DPP10: variants seen among roughly 807,000 people sequenced by gnomAD.
The protein encoded by DPP10 is inactive dipeptidyl peptidase 10.
DPP10 carries 33 observed loss-of-function variants against 120.9 expected under a neutral mutation model. The ratio of observed to expected loss-of-function variants is 0.27; its 90% confidence interval spans 0.21 to 0.37. DPP10 has a LOEUF of 0.37. DPP10 is among the 10% of genes least tolerant of loss of function. The pLI, the probability that DPP10 is intolerant of heterozygous loss-of-function variation, is 1.00. For synonymous variants in DPP10, 337 were observed against 326.1 expected (o/e 1.03, Z -0.36); for missense variants, 816 against 942.8 (o/e 0.87, Z 1.76).
At chr2:114,742,812 A>G (rs1015994748) in intron 1 of DPP10, among the ~76,000 whole-genome samples, 1 of 152,216 alleles carries the variant, frequency 6.6e-6, no homozygotes, top group African/African-American at 2.4e-5. Context: ...TGGCTTCTTC[A>G]GGCAAATGCA....
intron 1 of DPP10, among the ~76,000 whole-genome samples, chr2:114,968,171 C>G (rs1350642658): frequency 6.6e-6 from 1 of 152,142 alleles, no homozygotes. Context: ...CATATTTACA[C>G]CTGTGCTCTC....
chr2:114,481,213 G>C (rs917998056), intron 1 of DPP10, among the ~76,000 whole-genome samples: 5 of 151,930 alleles, frequency 3.3e-5, no homozygotes, highest in Non-Finnish European at 5.9e-5. Flanking sequence ...TATACATAGA[G>C]CTCTCTAACC....
intron 1 of DPP10, among the ~76,000 whole-genome samples, chr2:114,648,388 G>A (rs1486168668): frequency 6.6e-6 from 1 of 152,018 alleles, no homozygotes; most frequent in African/African-American, 2.4e-5. Flanking sequence ...TTCTTTTTTG[G>A]AGCCTTAGCC....
rs141273648 is a variant in DPP10, at chr2:114,971,312, G to A, written c.61-337927G>A. On this transcript the variant is annotated intron_variant, in intron 1 of 25. Transcript: ENST00000410059. ...ATTTAACTTTCTATTTTTTTAAATC[G>A]ATTTACCTCTTGTCTTGGCAAATAG... Among the ~76,000 whole-genome samples, 348 of 151,990 alleles carry A rather than the reference G, an allele frequency of 2.3e-3. 4 individuals carry two copies. Among genetic ancestry groups the A allele is most frequent in the African/African-American group, 7.7e-3 (318 of 41,458 alleles).
chr2:114,556,230 G>GATATAT (rs1237590391), intron 1 of DPP10, among the ~76,000 whole-genome samples: 3 of 27,890 alleles, frequency 1.1e-4, no homozygotes, highest in East Asian at 1.1e-3. Context: ...ATACATAGAT[G>GATATAT]ATACATATAT....
intron 1 of DPP10, among the ~76,000 whole-genome samples, chr2:114,744,773 T>A (rs938690332): frequency 6.6e-6 from 1 of 151,944 alleles, no homozygotes; most frequent in Admixed American, 6.6e-5. Context: ...CCTAATTTGT[T>A]TTTTTTTAGA....
At chr2:114,726,626 T>C (rs150169600) in intron 1 of DPP10, among the ~76,000 whole-genome samples, 1 of 152,346 alleles carries the variant, frequency 6.6e-6, no homozygotes, top group Admixed American at 6.5e-5. Context: ...AAATGATCTT[T>C]TATTTCAATT....
intron 3 of DPP10, among the ~76,000 whole-genome samples, chr2:115,447,779 T>C (rs1224864249): frequency 6.6e-6 from 1 of 152,206 alleles, no homozygotes; most frequent in Non-Finnish European, 1.5e-5. Flanking sequence ...TAAACCTCTT[T>C]CCTTTGTAAA....
intron 1 of DPP10, among the ~76,000 whole-genome samples, chr2:114,763,983 CTCT>C (rs1680497612): frequency 6.6e-6 from 1 of 152,154 alleles, no homozygotes. Flanking sequence ...ACAGACCTGG[CTCT>C]TTTGCAGAAA....
In DPP10 at chr2:115,800,233, T is replaced by C. The variant is rs371707919; in HGVS notation, c.1700+8877T>C. Among the ~76,000 whole-genome samples the C allele has an allele frequency of 9.6e-3, 1,440 of 149,824 alleles. 27 individuals carry two copies. Among genetic ancestry groups the C allele is most frequent in the African/African-American group, 0.033 (1,309 of 39,354 alleles). Reference sequence around the variant, plus strand: ...TGTCTTTTGGCTGCATAAATGTCTTTTTTTGAGAAGTGTCTGTTCATGTCC... The same window carrying C: ...TGTCTTTTGGCTGCATAAATGTCTTCTTTTGAGAAGTGTCTGTTCATGTCC... On this transcript the variant is annotated intron_variant, in intron 19 of 25. Coordinates refer to ENST00000410059, the MANE Select transcript of DPP10 (RefSeq NM_020868.6).
intron 2 of DPP10, among the ~76,000 whole-genome samples, chr2:115,319,337 T>C (rs1051588937): frequency 6.6e-6 from 1 of 152,186 alleles, no homozygotes; most frequent in African/African-American, 2.4e-5. Flanking sequence ...TTATAAGAGA[T>C]ATTGATCTGT....
At chr2:115,491,083 A>ACTCCAGC (rs1280996324) in intron 3 of DPP10, among the ~76,000 whole-genome samples, 1 of 152,098 alleles carries the variant, frequency 6.6e-6, no homozygotes, top group Non-Finnish European at 1.5e-5. Context: ...CCACCACTGT[A>ACTCCAGC]CTCCAGCCTC....
Position 115,318,469 on chromosome 2 carries a change from G to A in DPP10, c.175+9116G>A, listed in dbSNP as rs536055847. Among the ~76,000 whole-genome samples, 3 of 152,026 alleles carry A rather than the reference G, an allele frequency of 2.0e-5. No individual in the cohort carries two copies. The South Asian group carries it at 6.2e-4, about 31-fold the overall frequency. On this transcript the variant is annotated intron_variant, in intron 2 of 25. Transcript: ENST00000410059. ...TTTATTTCTGCAAGAAAGCCAGTTG[G>A]GATTTTAATAGTAATTGCATTGAGT...
chr2:114,907,849 A>G (rs1164687942), intron 1 of DPP10, among the ~76,000 whole-genome samples: 1 of 152,020 alleles, frequency 6.6e-6, no homozygotes, highest in Non-Finnish European at 1.5e-5. Flanking sequence ...TCAAATTCTT[A>G]TATTTCCTTG....
chr2:114,597,575 T>C (rs1023298580), intron 1 of DPP10, among the ~76,000 whole-genome samples: 1 of 152,150 alleles, frequency 6.6e-6, no homozygotes, highest in Non-Finnish European at 1.5e-5. Flanking sequence ...ATGGTAAAGA[T>C]CTTCCATCTG....
chr2:115,422,566 C>A (rs2070076132), intron 3 of DPP10, among the ~76,000 whole-genome samples: 1 of 152,156 alleles, frequency 6.6e-6, no homozygotes, highest in Admixed American at 6.5e-5. Context: ...TTGCCCATGA[C>A]TTTCATTCTG....
At chr2:115,800,812 G>GTACCATGC (rs1685135154) in intron 19 of DPP10, among the ~76,000 whole-genome samples, 2 of 152,136 alleles carry the variant, frequency 1.3e-5, no homozygotes, top group Admixed American at 1.3e-4. Flanking sequence ...TTTGGTACGA[G>GTACCATGC]TACCATGCTG....
intron 1 of DPP10, among the ~76,000 whole-genome samples, chr2:114,958,461 A>C (rs1360804334): frequency 6.6e-6 from 1 of 152,196 alleles, no homozygotes; most frequent in Non-Finnish European, 1.5e-5. Context: ...TTAGTGATCT[A>C]CTGCACAGAA....
At chr2:114,793,425 G>C (rs1415369903) in intron 1 of DPP10, among the ~76,000 whole-genome samples, 2 of 152,056 alleles carry the variant, frequency 1.3e-5, no homozygotes, top group African/African-American at 2.4e-5. Context: ...GTGTTAGTTT[G>C]CTGAGAATGA....
Sources: gnomAD v4.1 joint callset for allele counts (sites outside exome capture counted in the v4.1 genomes callset) on GRCh38, gnomAD v4.1.1 for gene constraint, MANE v1.5 for transcripts, NCBI Gene and HGNC (gene_info 2026-07-23, HGNC 2026-07-21) for gene names.